The following ROBO2 variants were observed in gnomAD, a reference collection of about 807,000 sequenced individuals.
ROBO2 encodes roundabout guidance receptor 2.
A neutral mutation model predicts 160.8 loss-of-function variants in ROBO2; 53 were observed. The ratio of observed to expected loss-of-function variants is 0.33; its 90% CI spans 0.26 to 0.41. The LOEUF (loss-of-function observed/expected upper bound fraction) is 0.41, where lower values mean the gene tolerates loss of function less well. ROBO2 is among the 10% of genes least tolerant of loss of function. The pLI, the probability that ROBO2 is intolerant of heterozygous loss-of-function variation, is 1.00. For synonymous variants in ROBO2, 664 were observed against 611.7 expected (o/e 1.09, Z -1.26); for missense variants, 1,577 against 1,722.4 (o/e 0.92, Z 1.49).
At chr3:76,402,053 A>G (rs1408531627) in intron 2 of ROBO2, among the ~76,000 whole-genome samples, 1 of 151,618 alleles carries the variant, frequency 6.6e-6, no homozygotes, top group Admixed American at 6.6e-5. Flanking sequence ...TGTCTCTGAA[A>G]GACAGAAAAT....
chr3:75,923,822 A>C (rs1263024526), intron 1 of ROBO2, among the ~76,000 whole-genome samples: 1 of 152,244 alleles, frequency 6.6e-6, no homozygotes, highest in Non-Finnish European at 1.5e-5. Context: ...ACATGTGTGC[A>C]CTGGTAGGAG....
chr3:77,322,209 A>C (rs1303476135), intron 2 of ROBO2, among the ~76,000 whole-genome samples: 1 of 152,204 alleles, frequency 6.6e-6, no homozygotes, highest in Admixed American at 6.5e-5. Flanking sequence ...GATAGTCTAG[A>C]ATAACCGAAT....
At chr3:77,004,477 G>T (rs923182937) in intron 2 of ROBO2, among the ~76,000 whole-genome samples, 4 of 152,178 alleles carry the variant, frequency 2.6e-5, no homozygotes, top group Admixed American at 2.6e-4. Context: ...TACTCCCTGT[G>T]AAAAGAGAAA....
chr3:76,152,829 T>A (rs908859042), intron 2 of ROBO2, among the ~76,000 whole-genome samples: 1 of 152,198 alleles, frequency 6.6e-6, no homozygotes, highest in African/African-American at 2.4e-5. Context: ...ATTATTCAGA[T>A]AAATATTGCT....
intron 2 of ROBO2, among the ~76,000 whole-genome samples, chr3:76,902,592 A>T (rs979550032): frequency 6.6e-6 from 1 of 152,178 alleles, no homozygotes; most frequent in East Asian, 1.9e-4. Flanking sequence ...ATAAGATTCT[A>T]TAGTGTTCTT....
chr3:76,200,709 T>C (rs1702482225), intron 2 of ROBO2, among the ~76,000 whole-genome samples: 1 of 152,168 alleles, frequency 6.6e-6, no homozygotes, highest in Non-Finnish European at 1.5e-5. Flanking sequence ...CTTTTGGTCA[T>C]GTAATGGAGG....
intron 2 of ROBO2, among the ~76,000 whole-genome samples, chr3:76,626,454 T>C (rs2089646140): frequency 6.6e-6 from 1 of 151,754 alleles, no homozygotes; most frequent in South Asian, 2.1e-4. Flanking sequence ...CCTGCCCAAA[T>C]GAGATTGCTG....
intron 2 of ROBO2, among the ~76,000 whole-genome samples, chr3:76,001,777 T>A (rs2065896236): frequency 1.3e-5 from 2 of 152,286 alleles, no homozygotes; most frequent in South Asian, 4.1e-4. Flanking sequence ...ACTCTTGAGC[T>A]CAAGCAATCT....
chr3:76,575,357 T>C (rs534727800), intron 2 of ROBO2, among the ~76,000 whole-genome samples: 27 of 152,188 alleles, frequency 1.8e-4, no homozygotes, highest in African/African-American at 6.3e-4. Flanking sequence ...CTAATATTTA[T>C]AGTTAGTACA....
At chr3:77,581,598 T>C (rs1425418778) in intron 16 of ROBO2, among the ~76,000 whole-genome samples, 3 of 152,146 alleles carry the variant, frequency 2.0e-5, no homozygotes, top group Non-Finnish European at 4.4e-5. Flanking sequence ...TTCTGATTTC[T>C]ACTTTAATTC....
intron 2 of ROBO2, among the ~76,000 whole-genome samples, chr3:76,387,866 C>T (rs1057461909): frequency 6.6e-6 from 1 of 152,144 alleles, no homozygotes; most frequent in Admixed American, 6.5e-5. Context: ...AAGGTTGTTG[C>T]ATTTCTTCCA....
chr3:77,307,620 C>T (rs1255471067), intron 2 of ROBO2, among the ~76,000 whole-genome samples: 3 of 152,178 alleles, frequency 2.0e-5, no homozygotes, highest in Admixed American at 6.6e-5. Flanking sequence ...CGGTAGCTCA[C>T]ACCTGTAATC....
At chr3:77,605,141 G>A (rs1197318912) in intron 20 of ROBO2, among the ~76,000 whole-genome samples, 1 of 148,394 alleles carries the variant, frequency 6.7e-6, no homozygotes, top group Non-Finnish European at 1.5e-5. Flanking sequence ...TCCAGCCTGG[G>A]TGACAGACTG....
At chr3:76,671,738 A>T (rs2106668201) in intron 2 of ROBO2, among the ~76,000 whole-genome samples, 1 of 152,180 alleles carries the variant, frequency 6.6e-6, no homozygotes, top group African/African-American at 2.4e-5. Context: ...TATTTAAAAT[A>T]ATCTATAATC....
chr3:77,326,527 T>C (rs1399729697), intron 2 of ROBO2, among the ~76,000 whole-genome samples: 2 of 152,234 alleles, frequency 1.3e-5, no homozygotes, highest in Non-Finnish European at 2.9e-5. Context: ...GATCTTGTTT[T>C]GTGTTGTTTA....
intron 2 of ROBO2, among the ~76,000 whole-genome samples, chr3:76,113,158 A>G (rs1318993752): frequency 6.6e-6 from 1 of 152,150 alleles, no homozygotes; most frequent in African/African-American, 2.4e-5. Flanking sequence ...TCTTGATACA[A>G]AAACAACGTT....
chr3:76,370,872 C>T (rs1461582462), intron 2 of ROBO2, among the ~76,000 whole-genome samples: 5 of 151,914 alleles, frequency 3.3e-5, no homozygotes, highest in African/African-American at 1.2e-4. Context: ...TCTAGCCAGG[C>T]ACTAGGCCAG....
intron 2 of ROBO2, among the ~76,000 whole-genome samples, chr3:76,473,100 G>T (rs2107130307): frequency 6.6e-6 from 1 of 152,250 alleles, no homozygotes; most frequent in Middle Eastern, 3.4e-3. Context: ...TGTTCTAAAG[G>T]AGTACACATC....
chr3:76,271,539 T>G (rs1396143808), intron 2 of ROBO2, among the ~76,000 whole-genome samples: 1 of 150,220 alleles, frequency 6.7e-6, no homozygotes, highest in Non-Finnish European at 1.5e-5. Flanking sequence ...AAATAATACC[T>G]GTCACTCTGC....
Sources: allele counts gnomAD v4.1 joint callset (sites outside exome capture counted in the v4.1 genomes callset), GRCh38; gene constraint gnomAD v4.1.1; transcripts MANE v1.5; gene names NCBI Gene and HGNC (gene_info 2026-07-23, HGNC 2026-07-21).